WWOX: variants seen among roughly 807,000 people sequenced by gnomAD.
WWOX encodes the protein WW domain-containing oxidoreductase.
Under a neutral mutation model 46.2 loss-of-function variants are expected in WWOX, and 69 were observed. The observed-to-expected ratio is 1.49, with a 90% confidence interval of 1.23 to 1.82. WWOX has a LOEUF of 1.82. Among genes scored for constraint, WWOX ranks in the 40% most tolerant of loss-of-function variants. The pLI is 0.00. For missense variants in WWOX, 919 were observed against 542.6 expected, an observed-to-expected ratio of 1.69 and a Z score of -6.89; for synonymous variants, 359 against 202.6, an observed-to-expected ratio of 1.77 and a Z score of -6.56.
intron 8 of WWOX, among the ~76,000 whole-genome samples, chr16:79,189,472 TG>T: frequency 1.4e-5 from 2 of 145,688 alleles, no homozygotes; most frequent in South Asian, 2.1e-4. Context: ...TGTGTGTGTG[TG>T]TGTGTTTTGT....
intron 5 of WWOX, among the ~76,000 whole-genome samples, chr16:78,377,017 T>A (rs1002031274): frequency 5.3e-5 from 8 of 152,246 alleles, no homozygotes; most frequent in African/African-American, 1.7e-4. Context: ...TCTCTGTGTT[T>A]GGAGCTACAC....
At chr16:78,415,881 G>A (rs1567559115) in intron 6 of WWOX, among the ~76,000 whole-genome samples, 1 of 152,110 alleles carries the variant, frequency 6.6e-6, no homozygotes, top group South Asian at 2.1e-4. Context: ...GAATGCATTG[G>A]CTCTAGTTGA....
At chr16:78,309,092 T>G (rs1298565081) in intron 5 of WWOX, among the ~76,000 whole-genome samples, 1 of 152,134 alleles carries the variant, frequency 6.6e-6, no homozygotes, top group Non-Finnish European at 1.5e-5. Flanking sequence ...AATCTGAAAA[T>G]CCTTGAATCC....
intron 8 of WWOX, among the ~76,000 whole-genome samples, chr16:78,629,812 G>T (rs2046386589): frequency 6.6e-6 from 1 of 152,140 alleles, no homozygotes; most frequent in South Asian, 2.1e-4. Flanking sequence ...TTCCAAAAAA[G>T]TGGATTTTTA....
chr16:78,110,225 T>C (rs1437652226), intron 3 of WWOX, among the ~76,000 whole-genome samples: 1 of 150,852 alleles, frequency 6.6e-6, no homozygotes, highest in Admixed American at 6.6e-5. Flanking sequence ...CTGTGGTCCC[T>C]GCTACTCGGG....
intron 8 of WWOX, among the ~76,000 whole-genome samples, chr16:78,683,006 ATGAATCTGTAGGCTGCTG>A (rs2047765765): frequency 6.6e-6 from 1 of 152,150 alleles, no homozygotes; most frequent in African/African-American, 2.4e-5. Context: ...ATTTCAATAA[ATGAATCTGTAGGCTGCTG>A]TGATGGATAC....
intron 8 of WWOX, among the ~76,000 whole-genome samples, chr16:78,616,370 C>T (rs572769885): frequency 6.6e-6 from 1 of 152,236 alleles, no homozygotes; most frequent in South Asian, 2.1e-4. Flanking sequence ...AAGGCACTGG[C>T]AGATTCAGTG....
At position 78,353,837 on chromosome 16, in the gene WWOX, C is replaced by G. The variant is rs113416656; in HGVS notation, c.517-33023C>G. Among the ~76,000 whole-genome samples the G allele has an allele frequency of 5.6e-4, 85 of 152,302 alleles. 1 individual carries two copies. The highest frequency in any genetic ancestry group is 2.0e-3 in the African/African-American group (83 of 41,562). On this transcript the variant is annotated intron_variant, in intron 5 of 8. Transcript: ENST00000566780. ...AGTTGCACAGCCTGGGCTTGGGTGG[C>G]GTTCGCTTTACCCTTGCCCTTGATG... is the stretch of plus-strand genomic sequence containing the variant.
chr16:79,205,543 C>T (rs935005672), intron 8 of WWOX: 1 of 152,210 alleles, frequency 6.6e-6, no homozygotes, highest in Non-Finnish European at 1.5e-5. Flanking sequence ...CTTTCTCACA[C>T]TTCTAAAGCC....
chr16:78,821,610 G>C (rs566564539), intron 8 of WWOX, among the ~76,000 whole-genome samples: 1 of 152,128 alleles, frequency 6.6e-6, no homozygotes, highest in African/African-American at 2.4e-5. Context: ...CCATATATGT[G>C]TCAATGTTTA....
chr16:78,403,190 C>G (rs1051647261), intron 6 of WWOX, among the ~76,000 whole-genome samples: 1 of 152,178 alleles, frequency 6.6e-6, no homozygotes, highest in Non-Finnish European at 1.5e-5. Context: ...TAAGCACATT[C>G]CCCAAACAAT....
intron 5 of WWOX, among the ~76,000 whole-genome samples, chr16:78,186,072 C>G (rs2035692551): frequency 6.6e-6 from 1 of 152,164 alleles, no homozygotes; most frequent in African/African-American, 2.4e-5. Context: ...GGTAGTTAGT[C>G]CAGATTGAAA....
intron 8 of WWOX, among the ~76,000 whole-genome samples, chr16:79,113,395 C>T (rs544560721): frequency 2.6e-5 from 4 of 152,326 alleles, no homozygotes; most frequent in African/African-American, 7.2e-5. Flanking sequence ...ACCAGATCCT[C>T]ATCTGTCGTT....
intron 8 of WWOX, among the ~76,000 whole-genome samples, chr16:78,784,146 A>T (rs1238949967): frequency 6.6e-6 from 1 of 152,190 alleles, no homozygotes; most frequent in Non-Finnish European, 1.5e-5. Context: ...TAACAACCCT[A>T]TAAGTCAGTG....
At chr16:78,670,783 A>G (rs1296076521) in intron 8 of WWOX, among the ~76,000 whole-genome samples, 2 of 151,890 alleles carry the variant, frequency 1.3e-5, no homozygotes, top group Admixed American at 1.3e-4. Flanking sequence ...AAGTGCTGGG[A>G]TTACAGACAT....
intron 8 of WWOX, among the ~76,000 whole-genome samples, chr16:78,705,177 C>T (rs1208944300): frequency 6.6e-6 from 1 of 152,154 alleles, no homozygotes; most frequent in East Asian, 1.9e-4. Context: ...CTTATATTTT[C>T]CAAAGCCATT....
At chr16:78,383,020 G>C (rs2081987778) in intron 5 of WWOX, among the ~76,000 whole-genome samples, 1 of 150,268 alleles carries the variant, frequency 6.7e-6, no homozygotes, top group Admixed American at 6.7e-5. Context: ...AGGACGAATA[G>C]GGGGAGGTGA....
intron 8 of WWOX, among the ~76,000 whole-genome samples, chr16:79,121,906 C>T (rs2049640665): frequency 6.6e-6 from 1 of 152,020 alleles, no homozygotes; most frequent in Admixed American, 6.5e-5. Context: ...TTTTTAATAT[C>T]CCATCCAGCC....
chr16:78,961,457 GTGGATGGA>G (rs940090519), intron 8 of WWOX, among the ~76,000 whole-genome samples: 3 of 151,754 alleles, frequency 2.0e-5, no homozygotes, highest in African/African-American at 7.2e-5. Context: ...GGATGGATGG[GTGGATGGA>G]TGGATGGATG....
Sources: gnomAD v4.1 joint callset for allele counts (sites outside exome capture counted in the v4.1 genomes callset) on GRCh38, gnomAD v4.1.1 for gene constraint, MANE v1.5 for transcripts, NCBI Gene and HGNC (gene_info 2026-07-23, HGNC 2026-07-21) for gene names.